E2F3: variants seen among roughly 807,000 people sequenced by gnomAD.
E2F3 encodes the protein E2F transcription factor 3.
In E2F3, 11 loss-of-function variants were observed where a neutral mutation model predicts 44.4. The ratio of observed to expected loss-of-function variants is 0.25; its 90% CI spans 0.16 to 0.41. The LOEUF is 0.41. E2F3 is among the 10% of genes least tolerant of loss of function. E2F3 has a pLI of 1.00. For synonymous variants in E2F3, 249 were observed against 253.0 expected (o/e 0.98, Z 0.15); for missense variants, 487 against 583.6 (o/e 0.83, Z 1.70).
intron 1 of E2F3, among the ~76,000 whole-genome samples, chr6:20,407,555 G>A (rs1759532414): frequency 6.6e-6 from 1 of 152,160 alleles, no homozygotes; most frequent in African/African-American, 2.4e-5. Flanking sequence ...TTGACAGACG[G>A]GGTGAAAGCT....
chr6:20,424,383 A>ATGTG (rs57510288), intron 1 of E2F3, among the ~76,000 whole-genome samples: 12 of 146,938 alleles, frequency 8.2e-5, no homozygotes, highest in African/African-American at 2.0e-4. Context: ...GAGTGTGTGT[A>ATGTG]TGTGTGTGTG....
At chr6:20,471,449 G>A (rs1305437797) in intron 1 of E2F3, among the ~76,000 whole-genome samples, 1 of 152,146 alleles carries the variant, frequency 6.6e-6, no homozygotes, top group Non-Finnish European at 1.5e-5. Context: ...GGGTGTGGTG[G>A]TGCACGCCTG....
Position 20,445,312 on chromosome 6 carries a change from T to C in E2F3, c.394-34534T>C, listed in dbSNP as rs1293714597. Among the ~76,000 whole-genome samples, 3 of 151,632 alleles carry C rather than the reference T, an allele frequency of 2.0e-5. No individual in the cohort carries two copies. The East Asian group carries it at 5.8e-4, about 29-fold the overall frequency. ...TGGAGTACAGTGGCGCGATCTCAGC[T>C]CATTGCAACCTCCGCCTCCCGGGTT... is the stretch of plus-strand genomic sequence containing the variant. On this transcript the variant is annotated intron_variant, in intron 1 of 6. Transcript: ENST00000346618.
chr6:20,465,580 T>G (rs545239256), intron 1 of E2F3, among the ~76,000 whole-genome samples: 1 of 152,196 alleles, frequency 6.6e-6, no homozygotes, highest in African/African-American at 2.4e-5. Context: ...CAGTGTACAC[T>G]GCACCCAATT....
At chr6:20,464,605 C>T (rs1335540140) in intron 1 of E2F3, among the ~76,000 whole-genome samples, 3 of 152,222 alleles carry the variant, frequency 2.0e-5, no homozygotes, top group African/African-American at 7.2e-5. Context: ...GCTCTACGCC[C>T]TGTGGCCTTG....
intron 1 of E2F3, among the ~76,000 whole-genome samples, chr6:20,462,159 T>C (rs1761531782): frequency 6.6e-6 from 1 of 152,214 alleles, no homozygotes; most frequent in Non-Finnish European, 1.5e-5. Context: ...AGCTTACCTT[T>C]CCATTGTTTT....
intron 1 of E2F3, among the ~76,000 whole-genome samples, chr6:20,470,703 A>G (rs1001813243): frequency 2.0e-4 from 31 of 152,316 alleles, no homozygotes; most frequent in Admixed American, 1.7e-3. Context: ...CTGATCTCCT[A>G]TTAACTAGGG....
intron 1 of E2F3, among the ~76,000 whole-genome samples, chr6:20,475,862 G>A (rs1016782730): frequency 3.3e-5 from 5 of 152,178 alleles, no homozygotes; most frequent in Non-Finnish European, 7.3e-5. Context: ...TGTAGAGAAG[G>A]CCTCCATAGC....
chr6:20,411,836 C>T (rs1255101979), intron 1 of E2F3, among the ~76,000 whole-genome samples: 2 of 152,320 alleles, frequency 1.3e-5, no homozygotes, highest in Admixed American at 6.5e-5. Flanking sequence ...TGGTCTGCCT[C>T]GTAGCCTAAT....
intron 1 of E2F3, among the ~76,000 whole-genome samples, chr6:20,427,953 C>T (rs942043): frequency 0.77 from 116,736 of 152,130 alleles, 47,838 homozygotes; most frequent in East Asian, 0.93. Context: ...CGGTGAACAC[C>T]GCTGTTCACC....
intron 1 of E2F3, among the ~76,000 whole-genome samples, chr6:20,462,244 G>A (rs35063955): frequency 6.6e-6 from 1 of 152,254 alleles, no homozygotes; most frequent in Middle Eastern, 3.4e-3. Flanking sequence ...TTATACCTCA[G>A]TATGTCTGGA....
At chr6:20,483,001 G>A in intron 4 of E2F3, 81 bp downstream of exon 4, 2 of 1,591,462 alleles carry the variant, frequency 1.3e-6, no homozygotes, top group South Asian at 2.2e-5. Flanking sequence ...TTATGCACAA[G>A]GTAGATTATT....
Position 20,402,759 on chromosome 6 carries a change from C to T in E2F3, c.393+134C>T. On this transcript the variant is annotated intron_variant, in intron 1 of 6. Coordinates refer to ENST00000346618, the MANE Select transcript of E2F3 (RefSeq NM_001949.5). This position sits in a 1 kb window ranked among gnomAD's most constrained non-coding sequence, Gnocchi z 5.6. ...TCGTGGGCCTCGGGGGCTGCCCCTC[C>T]AACGAGGGTTCATTGTTAGACCTGA... 2 of 1,244,942 alleles carry T rather than the reference C, an allele frequency of 1.6e-6. No individual in the cohort carries two copies. The highest frequency in any genetic ancestry group is 2.0e-6 in the Non-Finnish European group (2 of 995,304). 77.1% of individuals were successfully genotyped at this position (1,244,942 alleles called of 1,614,324 possible).
intron 1 of E2F3, among the ~76,000 whole-genome samples, chr6:20,433,224 TG>T (rs1760464477): frequency 6.6e-6 from 1 of 152,208 alleles, no homozygotes; most frequent in Admixed American, 6.5e-5. Context: ...TGTTTTGTTT[TG>T]TTTTTAAATT....
At chr6:20,457,286 C>T (rs542094695) in intron 1 of E2F3, among the ~76,000 whole-genome samples, 5 of 151,658 alleles carry the variant, frequency 3.3e-5, no homozygotes, top group African/African-American at 9.7e-5. Context: ...GCGATTCTCC[C>T]GTCTCGGCCT....
intron 1 of E2F3, among the ~76,000 whole-genome samples, chr6:20,452,805 T>A (rs1228121263): frequency 1.3e-5 from 2 of 151,934 alleles, no homozygotes; most frequent in Non-Finnish European, 2.9e-5. Flanking sequence ...TACAAAAAAA[T>A]TAGCTGGGCA....
chr6:20,428,110 C>T (rs1760275324), intron 1 of E2F3, among the ~76,000 whole-genome samples: 2 of 152,128 alleles, frequency 1.3e-5, no homozygotes, highest in Non-Finnish European at 2.9e-5. Context: ...TTCTTTTCTC[C>T]CAAGGTGAGG....
intron 4 of E2F3, among the ~76,000 whole-genome samples, chr6:20,485,936 CA>C (rs902139459): frequency 2.0e-5 from 3 of 151,952 alleles, no homozygotes; most frequent in African/African-American, 7.3e-5. Flanking sequence ...ACTGGAGTTT[CA>C]AAAAAATTAT....
rs147423002 is a variant in E2F3, at chr6:20,468,239, C to G, written c.394-11607C>G. On this transcript the variant is annotated intron_variant, in intron 1 of 6. Transcript: ENST00000346618. ...GAGGGTTCAGTCTCACAAGACCACCCCCAACTTCTGATGCCAGTTGCAAGC... is the reference window on the plus strand; with the variant it reads ...GAGGGTTCAGTCTCACAAGACCACCGCCAACTTCTGATGCCAGTTGCAAGC... 6.5e-3 allele frequency among the ~76,000 whole-genome samples: 988 copies of G among 152,304 alleles called. 10 individuals carry two copies. The highest frequency in any genetic ancestry group is 0.023 in the African/African-American group (946 of 41,556).
Sources: gnomAD v4.1 joint callset for allele counts (sites outside exome capture counted in the v4.1 genomes callset) on GRCh38, gnomAD v4.1.1 for gene constraint, Gnocchi (gnomAD v3.1) non-coding constraint, MANE v1.5 for transcripts, NCBI Gene and HGNC (gene_info 2026-07-23, HGNC 2026-07-21) for gene names.